EIF4E3: variants seen among roughly 807,000 people sequenced by gnomAD.
The protein encoded by EIF4E3 is eukaryotic translation initiation factor 4E type 3.
EIF4E3 carries 26 observed loss-of-function variants against 31.7 expected under a neutral mutation model. The ratio of observed to expected loss-of-function variants is 0.82; its 90% confidence interval spans 0.60 to 1.14. EIF4E3 has a LOEUF of 1.14. Ranked by LOEUF, EIF4E3 falls within the 50% of genes most tolerant of loss-of-function variation. The probability of loss-of-function intolerance (pLI) is 0.00; values close to 1 mark genes in which losing one functional copy is unlikely to be tolerated. For synonymous variants in EIF4E3, 128 were observed against 107.7 expected, an observed-to-expected ratio of 1.19 and a Z score of -1.17; for missense variants, 304 against 270.9, an observed-to-expected ratio of 1.12 and a Z score of -0.86.
At chr3:71,753,940 GGGAGCTCGCCCAGGGCCGGCGGAGCGGC>G, upstream of EIF4E3, 1 of 1,014,198 alleles carries the variant, frequency 9.9e-7, no homozygotes, top group Non-Finnish European at 1.2e-6. Flanking sequence ...CCGCAGGACG[GGGAGCTCGCCCAGGGCCGGCGGAGCGGC>G]GGAGCTCGGG....
At chr3:71,712,311 C>T (rs1440718839) in intron 1 of EIF4E3, among the ~76,000 whole-genome samples, 1 of 152,142 alleles carries the variant, frequency 6.6e-6, no homozygotes, top group African/African-American at 2.4e-5. Flanking sequence ...TGATGAAATA[C>T]ATCAGTCCAC....
intron 1 of EIF4E3, among the ~76,000 whole-genome samples, chr3:71,712,673 T>C (rs190832666): frequency 6.6e-6 from 1 of 151,532 alleles, no homozygotes; most frequent in Admixed American, 6.6e-5. Context: ...GGAGGAAATA[T>C]ACTTTGCATT....
At chr3:71,697,724 G>T (rs1455054964) in intron 3 of EIF4E3, among the ~76,000 whole-genome samples, 1 of 151,848 alleles carries the variant, frequency 6.6e-6, no homozygotes, top group Non-Finnish European at 1.5e-5. Flanking sequence ...TTCCATCCAT[G>T]TTGTTGCAAA....
rs1413517301 is a variant in EIF4E3 at position 71,680,992 on chromosome 3, A to AT, written c.*3689dup. 1 of 151,924 alleles carries AT rather than the reference A, an allele frequency of 6.6e-6. No homozygotes were observed. Among genetic ancestry groups the AT allele is most frequent in the Non-Finnish European group, 1.5e-5 (1 of 67,982 alleles). The allele number at this position is 151,924 out of a possible 1,614,324, so 9.4% of individuals were successfully genotyped here. Reference sequence around the variant, plus strand: ...GAGTGCTAAAAAAAATCAACTCCTAATTTTCTCTCTTTGGGCATAATATTT... The same window carrying AT: ...GAGTGCTAAAAAAAATCAACTCCTAATTTTTCTCTCTTTGGGCATAATATTT... On this transcript the variant is annotated 3_prime_UTR_variant, in exon 7 of 7. Transcript: ENST00000425534.
chr3:71,677,700 T>C lies in EIF4E3; in HGVS notation c.*6982A>G, dbSNP rs975451814. 3 of 152,234 alleles carry C rather than the reference T, an allele frequency of 2.0e-5. No individual in the cohort carries two copies. Among genetic ancestry groups the C allele is most frequent in the Non-Finnish European group, 4.4e-5 (3 of 68,036 alleles). 9.4% of individuals were successfully genotyped at this position (152,234 alleles called of 1,614,324 possible). A position where few individuals can be genotyped will look rare whatever the true frequency, so the allele number is the denominator to read the frequency against. On this transcript the variant is annotated 3_prime_UTR_variant, in exon 7 of 7. Transcript: ENST00000425534. ...CACACATAAGATCCTGAATTGCTTG[T>C]TTCTGCAGGGAGAGATAGGAAAGTC...
chr3:71,740,844 C>G (rs1040308059), intron 1 of EIF4E3, among the ~76,000 whole-genome samples: 1 of 152,174 alleles, frequency 6.6e-6, no homozygotes, highest in Non-Finnish European at 1.5e-5. Context: ...TCATTAAAAA[C>G]CACACATCCC....
At chr3:71,685,253 T>C (rs145560788) in intron 6 of EIF4E3, among the ~76,000 whole-genome samples, 35 of 152,332 alleles carry the variant, frequency 2.3e-4, no homozygotes, top group African/African-American at 7.2e-4. Context: ...TGAAGTTTCA[T>C]AAAATTGCTA....
chr3:71,688,681 A>T (rs1031318242), intron 6 of EIF4E3, among the ~76,000 whole-genome samples: 2 of 151,740 alleles, frequency 1.3e-5, no homozygotes, highest in African/African-American at 4.8e-5. Context: ...CTTGTGAAAT[A>T]AAAAAAAAGA....
rs1035581869 is a variant in EIF4E3 at position 71,701,064 on chromosome 3, C to A, written c.250-1356G>T. Among the ~76,000 whole-genome samples, 3 of 152,156 alleles carry A rather than the reference C, an allele frequency of 2.0e-5. No homozygotes were observed. The East Asian group carries it at 5.8e-4, about 29-fold the overall frequency. On this transcript the variant is annotated intron_variant, in intron 2 of 6. Transcript: ENST00000425534. ...GCCCTCACCTGGATGTGCCCATGCT[C>A]GCACCCTCATCTCAGACTTCCAGGC...
At chr3:71,699,729 CTTTG>C in intron 2 of EIF4E3, 21 bp from the exon 3 acceptor site, 2 of 1,572,656 alleles carry the variant, frequency 1.3e-6, no homozygotes, top group Non-Finnish European at 1.7e-6. Context: ...AAAACAAACA[CTTTG>C]TTTAATATAC....
Position 71,684,036 on chromosome 3 carries a change from C to G in EIF4E3, c.*646G>C, listed in dbSNP as rs1275943490. On this transcript the variant is annotated 3_prime_UTR_variant, in exon 7 of 7. Transcript: ENST00000425534. ...ATAGTTTTCATGTTATGCAATCCAA[C>G]TATTATTTTCCTTTTATCACTAAAA... 1 of 152,288 alleles carries G rather than the reference C, an allele frequency of 6.6e-6. No homozygotes were observed. The highest frequency in any genetic ancestry group is 2.4e-5 in the African/African-American group (1 of 41,404). The allele number at this position is 152,288 out of a possible 1,614,324, so 9.4% of individuals were successfully genotyped here. A position where few individuals can be genotyped will look rare whatever the true frequency, so the allele number is the denominator to read the frequency against.
At chr3:71,713,879 C>T (rs1578363419) in intron 1 of EIF4E3, among the ~76,000 whole-genome samples, 1 of 152,210 alleles carries the variant, frequency 6.6e-6, no homozygotes. Flanking sequence ...TCTATTTTAA[C>T]AGTCTAACAC....
chr3:71,713,494 T>G (rs1366357662), intron 1 of EIF4E3, among the ~76,000 whole-genome samples: 2 of 150,382 alleles, frequency 1.3e-5, no homozygotes, highest in Non-Finnish European at 3.0e-5. Context: ...TGGAGTGCAG[T>G]GGCATAATCA....
In EIF4E3 at chr3:71,684,590, G is replaced by A. The variant is rs1578329781; in HGVS notation, c.*92C>T. 1.3e-5 allele frequency: 20 copies of A among 1,506,094 alleles called. No individual in the cohort carries two copies. The highest frequency in any genetic ancestry group is 6.9e-5 in the East Asian group (3 of 43,780). The allele number at this position is 1,506,094 out of a possible 1,614,324, so 93.3% of individuals were successfully genotyped here. On this transcript the variant is annotated 3_prime_UTR_variant, in exon 7 of 7. Transcript: ENST00000425534. ...AACCCACTCTAAATTGACCAGCATC[G>A]GCTTCGGCAAGTCTTCTCTTCACTC...
chr3:71,715,201 C>G (rs1332639621), intron 1 of EIF4E3, among the ~76,000 whole-genome samples: 1 of 152,250 alleles, frequency 6.6e-6, no homozygotes, highest in Non-Finnish European at 1.5e-5. Context: ...CGGGACAGCC[C>G]TCACAACAGA....
At chr3:71,750,037 C>T (rs1167056856) in intron 1 of EIF4E3, among the ~76,000 whole-genome samples, 1 of 152,122 alleles carries the variant, frequency 6.6e-6, no homozygotes, top group African/African-American at 2.4e-5. Flanking sequence ...GCTATTTGAG[C>T]CTGGGAAAAT....
chr3:71,666,172 A>C, the EIF4E3 span, among the ~76,000 whole-genome samples: 1 of 152,176 alleles, frequency 6.6e-6, no homozygotes, highest in East Asian at 1.9e-4. Flanking sequence ...TTTTTTGAAA[A>C]GATTAACAAA....
intron 1 of EIF4E3, among the ~76,000 whole-genome samples, chr3:71,716,610 T>C (rs2049470530): frequency 4.6e-5 from 7 of 152,208 alleles, no homozygotes; most frequent in Non-Finnish European, 1.5e-5. Flanking sequence ...TGTACATGCA[T>C]ACATGATCTC....
upstream of EIF4E3, among the ~76,000 whole-genome samples, chr3:71,726,238 A>G (rs576922240): frequency 6.6e-6 from 1 of 152,326 alleles, no homozygotes; most frequent in South Asian, 2.1e-4. Context: ...AAAATCAGCC[A>G]AAGTATCCAG....
Sources: allele counts gnomAD v4.1 joint callset (sites outside exome capture counted in the v4.1 genomes callset), GRCh38; gene constraint gnomAD v4.1.1; transcripts MANE v1.5; gene names NCBI Gene and HGNC (gene_info 2026-07-23, HGNC 2026-07-21).